The following ATXN7L1 variants were observed in gnomAD, a reference collection of about 807,000 sequenced individuals.
ATXN7L1 encodes the protein ataxin-7-like protein 1.
Under a neutral mutation model 70.8 loss-of-function variants are expected in ATXN7L1, and 15 were observed. That is an observed-to-expected ratio of 0.21 (90% CI 0.14 to 0.33). The LOEUF (loss-of-function observed/expected upper bound fraction) is 0.33. ATXN7L1 is among the 10% of genes least tolerant of loss of function. ATXN7L1 has a pLI of 1.00. For synonymous variants in ATXN7L1, 440 were observed against 445.1 expected (o/e 0.99, Z 0.14); for missense variants, 975 against 1,097.1 (o/e 0.89, Z 1.57).
intron 3 of ATXN7L1, among the ~76,000 whole-genome samples, chr7:105,679,877 G>A (rs1057146027): frequency 3.3e-5 from 5 of 151,758 alleles, no homozygotes; most frequent in Non-Finnish European, 7.4e-5. Flanking sequence ...CCACTGAATT[G>A]TACATTTTAA....
chr7:105,826,651 C>T lies in ATXN7L1; in HGVS notation c.251-37943G>A, dbSNP rs77157411. Among the ~76,000 whole-genome samples the T allele has an allele frequency of 8.4e-3, 1,268 of 151,734 alleles. 18 individuals are homozygous for T. Among genetic ancestry groups the T allele is most frequent in the African/African-American group, 0.029 (1,205 of 41,312 alleles). On this transcript the variant is annotated intron_variant, in intron 2 of 11. Coordinates refer to ENST00000419735, the MANE Select transcript of ATXN7L1 (RefSeq NM_020725.2). ...TGCAATATGGAAGAAAACACAGGAT[C>T]GTCAAAGAAGATAAAACAACATGGC...
intron 9 of ATXN7L1, among the ~76,000 whole-genome samples, chr7:105,619,139 A>AGTTTTTTTT (rs1794373259): frequency 2.5e-4 from 6 of 23,572 alleles, no homozygotes; most frequent in Non-Finnish European, 4.9e-4. Flanking sequence ...TGAAATCTTT[A>AGTTTTTTTT]GTTTTTTTTT....
In ATXN7L1 at chr7:105,793,167, G is replaced by C. The variant is rs140461503; in HGVS notation, c.251-4459C>G. ...GAAAACCAGTTTGGAAGGGCTTCCT[G>C]GATGACTAACAGGCTGTCCTGAGGC... On this transcript the variant is annotated intron_variant, in intron 2 of 11. Transcript: ENST00000419735. 3.0e-3 allele frequency among the ~76,000 whole-genome samples: 450 copies of C among 152,338 alleles called. 14 individuals carry two copies. Among genetic ancestry groups the C allele is most frequent in the Admixed American group, 0.023 (347 of 15,300 alleles).
intron 2 of ATXN7L1, among the ~76,000 whole-genome samples, chr7:105,875,509 C>T (rs212427): frequency 0.85 from 128,986 of 151,768 alleles, 56,587 homozygotes; most frequent in East Asian, 0.99. Flanking sequence ...AATTTTAACG[C>T]CCCACCATTT....
chr7:105,777,727 T>C (rs1314062223), intron 3 of ATXN7L1, among the ~76,000 whole-genome samples: 5 of 152,214 alleles, frequency 3.3e-5, no homozygotes, highest in African/African-American at 1.2e-4. Flanking sequence ...TGGGCTCCAC[T>C]GCAGCCAGAG....
chr7:105,656,576 C>CTTTT (rs10690416), intron 4 of ATXN7L1, among the ~76,000 whole-genome samples: 3,733 of 139,862 alleles, frequency 0.027, 112 homozygotes, highest in East Asian at 0.065. Flanking sequence ...CTTCTTCTTC[C>CTTTT]TTTTTTTTTT....
intron 3 of ATXN7L1, chr7:105,677,853 A>G (rs1338794044): frequency 1.2e-6 from 1 of 814,502 alleles, no homozygotes; most frequent in Non-Finnish European, 1.5e-6. Context: ...ACCAGTGTCT[A>G]CTTTCAACAG....
intron 2 of ATXN7L1, among the ~76,000 whole-genome samples, chr7:105,805,809 G>T (rs1585047254): frequency 6.6e-6 from 1 of 152,206 alleles, no homozygotes; most frequent in Non-Finnish European, 1.5e-5. Flanking sequence ...CTGGCCTGGT[G>T]AGGGTGCCAC....
At chr7:105,630,493 A>G (rs911613267) in intron 7 of ATXN7L1, among the ~76,000 whole-genome samples, 1 of 152,112 alleles carries the variant, frequency 6.6e-6, no homozygotes, top group Non-Finnish European at 1.5e-5. Context: ...GGGCTTTTGG[A>G]ATGCTTTTCC....
At chr7:105,799,021 T>G (rs1806409380) in intron 2 of ATXN7L1, among the ~76,000 whole-genome samples, 2 of 152,224 alleles carry the variant, frequency 1.3e-5, no homozygotes, top group Admixed American at 1.3e-4. Context: ...CCAAATAGCC[T>G]CAGGAGGGGC....
At chr7:105,670,881 T>C (rs923414338) in intron 3 of ATXN7L1, among the ~76,000 whole-genome samples, 9 of 151,776 alleles carry the variant, frequency 5.9e-5, no homozygotes, top group East Asian at 1.9e-4. Flanking sequence ...CCGAGGCGGA[T>C]GGATCACGAG....
intron 3 of ATXN7L1, among the ~76,000 whole-genome samples, chr7:105,729,628 C>T (rs776268447): frequency 2.0e-5 from 3 of 152,006 alleles, no homozygotes; most frequent in Non-Finnish European, 4.4e-5. Flanking sequence ...CAGGGTTTCA[C>T]CACATTGCTC....
At chr7:105,696,280 C>A (rs775778017) in intron 3 of ATXN7L1, among the ~76,000 whole-genome samples, 56 of 152,326 alleles carry the variant, frequency 3.7e-4, no homozygotes, top group Non-Finnish European at 6.9e-4. Context: ...AGTGAATACT[C>A]ACTCTCAAGG....
intron 2 of ATXN7L1, among the ~76,000 whole-genome samples, chr7:105,797,934 TA>T (rs1447851561): frequency 6.6e-6 from 1 of 152,246 alleles, no homozygotes; most frequent in Non-Finnish European, 1.5e-5. Flanking sequence ...GGTAGCTGCT[TA>T]ATCAATGGTA....
chr7:105,710,708 T>A (rs1262532669), intron 3 of ATXN7L1, among the ~76,000 whole-genome samples: 3 of 152,148 alleles, frequency 2.0e-5, no homozygotes, highest in African/African-American at 7.2e-5. Context: ...ACCACACTTT[T>A]AAACCATCTT....
chr7:105,708,398 C>A (rs1185821110), intron 3 of ATXN7L1, among the ~76,000 whole-genome samples: 2 of 152,210 alleles, frequency 1.3e-5, no homozygotes, highest in Non-Finnish European at 2.9e-5. Flanking sequence ...AACAGCCTCT[C>A]CAAGTTGAGT....
intron 4 of ATXN7L1, among the ~76,000 whole-genome samples, chr7:105,643,987 C>A (rs965828247): frequency 6.6e-6 from 1 of 152,168 alleles, no homozygotes; most frequent in African/African-American, 2.4e-5. Flanking sequence ...GATGAATAAG[C>A]TTTGCTTTGG....
chr7:105,641,829 T>C (rs1230384396), intron 5 of ATXN7L1, among the ~76,000 whole-genome samples: 1 of 152,252 alleles, frequency 6.6e-6, no homozygotes, highest in African/African-American at 2.4e-5. Flanking sequence ...CCGAATGCTT[T>C]GGGCTTGAGG....
At chr7:105,761,271 C>T in intron 3 of ATXN7L1, 1 of 1,548,346 alleles carries the variant, frequency 6.5e-7, no homozygotes, top group East Asian at 2.3e-5. Flanking sequence ...AGCTTGTCCA[C>T]ACTTCAGGGC....
Sources: allele counts gnomAD v4.1 joint callset (sites outside exome capture counted in the v4.1 genomes callset), GRCh38; gene constraint gnomAD v4.1.1; transcripts MANE v1.5; gene names NCBI Gene and HGNC (gene_info 2026-07-23, HGNC 2026-07-21).